Variants in ZDHHC21 observed in about 807,000 individuals in gnomAD.
ZDHHC21 encodes the protein palmitoyltransferase ZDHHC21.
ZDHHC21 carries 15 observed loss-of-function variants against 34.6 expected under a neutral mutation model. The ratio of observed to expected loss-of-function variants is 0.43; its 90% confidence interval spans 0.29 to 0.67. The LOEUF (loss-of-function observed/expected upper bound fraction) is 0.67, where lower values mean the gene tolerates loss of function less well. ZDHHC21 is among the 30% of genes least tolerant of loss of function. ZDHHC21 has a pLI of 0.14. For synonymous variants in ZDHHC21, 142 were observed against 101.8 expected, an observed-to-expected ratio of 1.40 and a Z score of -2.38; for missense variants, 344 against 327.7, an observed-to-expected ratio of 1.05 and a Z score of -0.38.
intron 5 of ZDHHC21, among the ~76,000 whole-genome samples, chr9:14,664,247 C>T (rs1833954523): frequency 6.6e-6 from 1 of 152,124 alleles, no homozygotes; most frequent in South Asian, 2.1e-4. Context: ...AAAGGGGTGA[C>T]GGACGCACCT....
At chr9:14,609,396 T>C (rs1823128847), downstream of ZDHHC21, among the ~76,000 whole-genome samples, 1 of 152,086 alleles carries the variant, frequency 6.6e-6, no homozygotes, top group Non-Finnish European at 1.5e-5. Context: ...ACAAACCAGT[T>C]TTTCAGACTT....
intron 2 of ZDHHC21, chr9:14,683,539 G>A (rs527455346): frequency 1.9e-4 from 29 of 152,242 alleles, no homozygotes; most frequent in African/African-American, 6.5e-4. Context: ...AACAGGCTCT[G>A]AAATTGAGGC....
intron 8 of ZDHHC21, among the ~76,000 whole-genome samples, chr9:14,630,960 G>T (rs531926809): frequency 6.6e-6 from 1 of 152,154 alleles, no homozygotes; most frequent in Non-Finnish European, 1.5e-5. Flanking sequence ...TAATTCTTAA[G>T]AGCCTAGGAT....
At chr9:14,602,834 G>C in the ZDHHC21 span, among the ~76,000 whole-genome samples, 1 of 148,768 alleles carries the variant, frequency 6.7e-6, no homozygotes, top group African/African-American at 2.5e-5. Flanking sequence ...GAGGCAGAAG[G>C]CCTGCTTGAG....
At chr9:14,635,045 T>G (rs1001570719) in intron 8 of ZDHHC21, among the ~76,000 whole-genome samples, 6 of 152,014 alleles carry the variant, frequency 3.9e-5, no homozygotes, top group Admixed American at 3.9e-4. Flanking sequence ...CAAAATACAT[T>G]TCAAAGTTTC....
downstream of ZDHHC21, among the ~76,000 whole-genome samples, chr9:14,607,857 C>A (rs760376470): frequency 6.6e-6 from 1 of 152,190 alleles, no homozygotes; most frequent in African/African-American, 2.4e-5. Flanking sequence ...CCTACCACAG[C>A]GATTACCCAA....
At chr9:14,679,778 G>A (rs1837053844) in intron 3 of ZDHHC21, among the ~76,000 whole-genome samples, 1 of 152,028 alleles carries the variant, frequency 6.6e-6, no homozygotes, top group Non-Finnish European at 1.5e-5. Context: ...AGGATTCGCT[G>A]TAAAGCCATA....
At chr9:14,665,035 C>T (rs1387189859) in intron 5 of ZDHHC21, among the ~76,000 whole-genome samples, 177 of 89,814 alleles carry the variant, frequency 2.0e-3, no homozygotes, top group South Asian at 2.2e-3. Context: ...AGGCTTCAGA[C>T]GATCAAATTA....
chr9:14,662,943 A>G (rs1564337135), intron 5 of ZDHHC21, among the ~76,000 whole-genome samples: 1 of 152,182 alleles, frequency 6.6e-6, no homozygotes, highest in African/African-American at 2.4e-5. Flanking sequence ...TTCAGTAGTG[A>G]AAAATGTTAT....
downstream of ZDHHC21, among the ~76,000 whole-genome samples, chr9:14,607,522 T>A (rs1192405485): frequency 1.3e-5 from 2 of 151,614 alleles, no homozygotes; most frequent in Non-Finnish European, 2.9e-5. Flanking sequence ...CACACCAAAT[T>A]ATGGCCAGTA....
At chr9:14,663,591 G>T (rs999353274) in intron 5 of ZDHHC21, among the ~76,000 whole-genome samples, 9 of 118,334 alleles carry the variant, frequency 7.6e-5, no homozygotes, top group Non-Finnish European at 3.5e-5. Context: ...CATTACTTTA[G>T]TTGAATGGTC....
the ZDHHC21 span, among the ~76,000 whole-genome samples, chr9:14,600,414 A>G: frequency 6.6e-6 from 1 of 152,186 alleles, no homozygotes; most frequent in East Asian, 1.9e-4. Flanking sequence ...TGCTACAAAG[A>G]GAATAAAATA....
At chr9:14,674,456 C>A (rs910564183) in intron 3 of ZDHHC21, 71 bp from the exon 4 acceptor site, 63 of 951,192 alleles carry the variant, frequency 6.6e-5, no homozygotes, top group Non-Finnish European at 8.2e-5. Context: ...TTTCTGGCAA[C>A]TTTTATAAAA....
rs1824062663 is a variant in ZDHHC21, at chr9:14,615,884, A to T, written c.*3082T>A. The T allele has an allele frequency of 6.6e-6, 1 of 151,764 alleles. No homozygotes were observed. Among genetic ancestry groups the T allele is most frequent in the Non-Finnish European group, 1.5e-5 (1 of 67,754 alleles). 9.4% of individuals were successfully genotyped at this position (151,764 alleles called of 1,614,324 possible). A position where few individuals can be genotyped will look rare whatever the true frequency, so the allele number is the denominator to read the frequency against. On this transcript the variant is annotated 3_prime_UTR_variant, in exon 10 of 10. Coordinates refer to ENST00000380916, the MANE Select transcript of ZDHHC21 (RefSeq NM_178566.6). ...TAGAATGTTTATAAAGAAATACTTCAGTCCAACATACATATTACATCAGTA... is the reference window on the plus strand; with the variant it reads ...TAGAATGTTTATAAAGAAATACTTCTGTCCAACATACATATTACATCAGTA...
intron 5 of ZDHHC21, among the ~76,000 whole-genome samples, chr9:14,664,339 A>C (rs992221181): frequency 6.6e-6 from 1 of 151,860 alleles, no homozygotes; most frequent in African/African-American, 2.4e-5. Context: ...TATATCCCAC[A>C]CCTGGCTCGG....
chr9:14,598,503 G>A, the ZDHHC21 span, among the ~76,000 whole-genome samples: 2 of 152,138 alleles, frequency 1.3e-5, no homozygotes, highest in Admixed American at 6.5e-5. Context: ...ACTATTACAT[G>A]AGATGTGCAG....
At chr9:14,687,180 A>G (rs2131677324) in intron 2 of ZDHHC21, among the ~76,000 whole-genome samples, 1 of 150,916 alleles carries the variant, frequency 6.6e-6, no homozygotes, top group Non-Finnish European at 1.5e-5. Context: ...CAGTAACGTT[A>G]GTAGGTTATA....
intron 2 of ZDHHC21, among the ~76,000 whole-genome samples, chr9:14,686,151 T>C (rs1040027507): frequency 5.3e-5 from 8 of 151,930 alleles, no homozygotes; most frequent in Admixed American, 1.3e-4. Flanking sequence ...CATGTACACC[T>C]ATGTAACAAA....
chr9:14,682,310 G>C (rs73319769), intron 2 of ZDHHC21, among the ~76,000 whole-genome samples: 1,882 of 152,238 alleles, frequency 0.012, 17 homozygotes, highest in African/African-American at 0.026. Flanking sequence ...CACGTGCAGA[G>C]ACACACATAG....
Sources: allele counts gnomAD v4.1 joint callset (sites outside exome capture counted in the v4.1 genomes callset), GRCh38; gene constraint gnomAD v4.1.1; transcripts MANE v1.5; gene names NCBI Gene and HGNC (gene_info 2026-07-23, HGNC 2026-07-21).